Variants in INSR observed in about 807,000 individuals in gnomAD.
INSR encodes the protein IR.
INSR carries 67 observed loss-of-function variants against 142.6 expected under a neutral mutation model. That is an observed-to-expected ratio of 0.47 (90% confidence interval 0.39 to 0.58). The LOEUF is 0.58. Among genes scored for constraint, INSR ranks in the 20% least tolerant of loss-of-function variants. The pLI, the probability that INSR is intolerant of heterozygous loss-of-function variation, is 0.00. For missense variants in INSR, 1,248 were observed against 1,833.2 expected (o/e 0.68, Z 5.83); for synonymous variants, 756 against 743.1 (o/e 1.02, Z -0.28).
At chr19:7,196,464 C>A (rs1974750211) in intron 2 of INSR, among the ~76,000 whole-genome samples, 1 of 152,156 alleles carries the variant, frequency 6.6e-6, no homozygotes, top group Non-Finnish European at 1.5e-5. Flanking sequence ...CAAAAAGCGA[C>A]CAATTTGTCC....
rs1555683193 is a variant in INSR at position 7,225,707 on chromosome 19, C to CCCT, written c.653-41071_653-41070insAGG. 4.7e-5 allele frequency among the ~76,000 whole-genome samples: 7 copies of CCCT among 150,200 alleles called. No homozygotes were observed. The highest frequency in any genetic ancestry group is 2.1e-4 in the South Asian group (1 of 4,786). On this transcript the variant is annotated intron_variant, in intron 2 of 21. Coordinates refer to ENST00000302850, the MANE Select transcript of INSR (RefSeq NM_000208.4). The surrounding 1 kb of genome is among the most constrained non-coding windows in gnomAD (Gnocchi z 4.7). ...GGCTCTTGGTTTCCATTTCCCCCCC[C>CCCT]TCAAAAAAAGAGCAGAGAATAATTG...
At chr19:7,171,723 C>T (rs1974018878) in intron 5 of INSR, among the ~76,000 whole-genome samples, 1 of 152,120 alleles carries the variant, frequency 6.6e-6, no homozygotes, top group Admixed American at 6.6e-5. Context: ...GGAGGATGGG[C>T]ACCAAGGTTG....
In INSR at chr19:7,170,690, G is replaced by A. The variant is rs1271134156; in HGVS notation, c.1330C>T (p.His444Tyr). 1 of 1,614,078 alleles carries A rather than the reference G, an allele frequency of 6.2e-7. No homozygotes were observed. Among genetic ancestry groups the A allele is most frequent in the East Asian group, 2.2e-5 (1 of 44,880 alleles). The change falls in exon 6 of 22, where the codon CAC (histidine) becomes TAC (tyrosine). Residue 444 changes from histidine (H) to tyrosine (Y), a missense_variant. Around this residue, in one of 3 missense-constraint regions of INSR, gnomAD observed 1,069 missense variants for 1,654.0 expected, o/e 0.65. Coordinates refer to ENST00000302850, the MANE Select transcript of INSR (RefSeq NM_000208.4). ...TTCCCCTGAGTGATGGTGAGGTTGTGTTTGCTCCAGTCCCAGAGCTGCCTT... is the reference window on the plus strand; with the variant it reads ...TTCCCCTGAGTGATGGTGAGGTTGTATTTGCTCCAGTCCCAGAGCTGCCTT... ...NLRQLWDWSK[H>Y]NLTITQGKLF...
At position 7,287,919 on chromosome 19, in the gene INSR, G is replaced by A. The variant is rs367766162; in HGVS notation, c.100+5873C>T. On this transcript the variant is annotated intron_variant, in intron 1 of 21. Coordinates refer to ENST00000302850, the MANE Select transcript of INSR (RefSeq NM_000208.4). ...TTTTAACTACTCAACCTGCCGTGTC[G>A]GGGCATTTTTGCGCAGTCATAGATG... Among the ~76,000 whole-genome samples, 13 of 152,228 alleles carry A rather than the reference G, an allele frequency of 8.5e-5. No individual in the cohort carries two copies. In the East Asian group the frequency reaches 1.2e-3, roughly 14 times the overall value.
intron 13 of INSR, among the ~76,000 whole-genome samples, chr19:7,140,954 T>A (rs867005734): frequency 6.6e-5 from 10 of 152,188 alleles, no homozygotes; most frequent in South Asian, 4.1e-4. Flanking sequence ...TGTCTTGGAT[T>A]CTATGTCTTG....
At chr19:7,174,777 T>A in intron 3 of INSR, 46 bp from the exon 4 acceptor site, 5 of 1,570,682 alleles carry the variant, frequency 3.2e-6, no homozygotes, top group Non-Finnish European at 3.5e-6. Flanking sequence ...GGGAGGGGGG[T>A]GTCACGGTAT....
intron 2 of INSR, among the ~76,000 whole-genome samples, chr19:7,222,931 C>T (rs1018053207): frequency 2.0e-5 from 3 of 152,136 alleles, no homozygotes; most frequent in African/African-American, 7.2e-5. Flanking sequence ...GCCTGTAATG[C>T]CAGCACTTTG....
chr19:7,289,852 C>T (rs1968445713), intron 1 of INSR, among the ~76,000 whole-genome samples: 1 of 152,112 alleles, frequency 6.6e-6, no homozygotes, highest in South Asian at 2.1e-4. Context: ...AGGGGATCCT[C>T]CCAGGACCAC....
At chr19:7,197,516 G>GTGGGGGTGTGTGTGTGTGTGTGTGT (rs1568480264) in intron 2 of INSR, among the ~76,000 whole-genome samples, 3 of 70,856 alleles carry the variant, frequency 4.2e-5, no homozygotes, top group African/African-American at 1.8e-4. Flanking sequence ...TGGGAGTGGG[G>GTGGGGGTGTGTGTGTGTGTGTGTGT]GTGTGTGTGT....
At chr19:7,132,593 C>CT (rs759007156) in intron 13 of INSR, among the ~76,000 whole-genome samples, 232 of 144,340 alleles carry the variant, frequency 1.6e-3, no homozygotes, top group Middle Eastern at 3.6e-3. Flanking sequence ...TTTTCTTTTC[C>CT]TTTTTTTTTT....
intron 2 of INSR, among the ~76,000 whole-genome samples, chr19:7,217,360 C>T (rs911868126): frequency 2.6e-5 from 4 of 152,240 alleles, no homozygotes; most frequent in Middle Eastern, 3.4e-3. Flanking sequence ...ATCCCCCCGT[C>T]TCAAGATCCT....
intron 1 of INSR, among the ~76,000 whole-genome samples, chr19:7,293,312 G>T (rs1968547165): frequency 6.6e-6 from 1 of 152,192 alleles, no homozygotes; most frequent in South Asian, 2.1e-4. Flanking sequence ...GGGCTCTGCA[G>T]TCCCTGACCC....
chr19:7,260,173 C>T (rs552890963), intron 2 of INSR, among the ~76,000 whole-genome samples: 113 of 152,180 alleles, frequency 7.4e-4, no homozygotes, highest in African/African-American at 2.6e-3. Context: ...GGCACAATAC[C>T]ACACTTTGAG....
At chr19:7,275,763 G>C (rs971764465) in intron 1 of INSR, among the ~76,000 whole-genome samples, 3 of 149,364 alleles carry the variant, frequency 2.0e-5, no homozygotes, top group Admixed American at 6.7e-5. Flanking sequence ...CTCCAGCCTG[G>C]ATGACAGAGC....
chr19:7,125,532 T>C lies in INSR; in HGVS notation c.3014-5A>G. 6.2e-7 allele frequency: 1 copy of C among 1,612,892 alleles called. No homozygotes were observed. The highest frequency in any genetic ancestry group is 8.5e-7 in the Non-Finnish European group (1 of 1,179,952). ...CGTACACAGAGCATGGAAACACTAC[T>C]TCTTACTTATCTACACAGCATCCTT... On this transcript the variant is annotated splice_polypyrimidine_tract_variant and splice_region_variant and intron_variant, in intron 16 of 21. Coordinates refer to ENST00000302850, the MANE Select transcript of INSR (RefSeq NM_000208.4). This position sits in a 1 kb window ranked among gnomAD's most constrained non-coding sequence, Gnocchi z 4.9.
chr19:7,170,468 G>C, intron 6 of INSR, 69 bp downstream of exon 6: 1 of 1,168,218 alleles, frequency 8.6e-7, no homozygotes, highest in South Asian at 1.2e-5. Context: ...CCCACCACCA[G>C]TCCATGGAAA....
At chr19:7,293,321 C>G (rs1266779016) in intron 1 of INSR, among the ~76,000 whole-genome samples, 3 of 152,106 alleles carry the variant, frequency 2.0e-5, no homozygotes, top group Non-Finnish European at 4.4e-5. Flanking sequence ...AGTCCCTGAC[C>G]CCAGGCAGCG....
rs908884004 is a variant in INSR, at chr19:7,275,323, C to T, written c.101-7427G>A. Among the ~76,000 whole-genome samples, 16 of 152,128 alleles carry T rather than the reference C, an allele frequency of 1.1e-4. No individual in the cohort carries two copies. The East Asian group carries it at 1.2e-3, about 11-fold the overall frequency. On this transcript the variant is annotated intron_variant, in intron 1 of 21. Transcript: ENST00000302850. ...TCCATTTGGTCCAGGGCTGGATCCC[C>T]GCCTCTGGAGACGAGTCCCGCCTAC... is the stretch of plus-strand genomic sequence containing the variant.
intron 20 of INSR, among the ~76,000 whole-genome samples, chr19:7,120,249 T>C (rs1445583187): frequency 2.6e-5 from 4 of 152,198 alleles, no homozygotes; most frequent in African/African-American, 9.6e-5. Context: ...ACCGAACCAA[T>C]GTTCATCTTA....
Sources: allele counts gnomAD v4.1 joint callset (sites outside exome capture counted in the v4.1 genomes callset), GRCh38; gene constraint gnomAD v4.1.1; regional missense constraint gnomAD v4.1.1; non-coding constraint Gnocchi (gnomAD v3.1); transcripts MANE v1.5; gene names NCBI Gene and HGNC (gene_info 2026-07-23, HGNC 2026-07-21).